Variants in PROKR2 observed in about 807,000 individuals in gnomAD.
PROKR2 encodes prokineticin receptor 2, also known as G protein-coupled receptor 73-like 1.
In PROKR2, 26 loss-of-function variants were observed where a neutral mutation model predicts 23.4. That is an observed-to-expected ratio of 1.11 (90% CI 0.81 to 1.54). The LOEUF (loss-of-function observed/expected upper bound fraction) is 1.54, where lower values mean the gene tolerates loss of function less well. Ranked by LOEUF, PROKR2 falls within the 40% of genes most tolerant of loss-of-function variation. The pLI is 0.00. For missense variants in PROKR2, 453 were observed against 511.5 expected (o/e 0.89, Z 1.10); for synonymous variants, 212 against 201.2 (o/e 1.05, Z -0.45).
At chr20:5,305,872 T>C (rs555332116) in intron 2 of PROKR2, among the ~76,000 whole-genome samples, 1 of 152,332 alleles carries the variant, frequency 6.6e-6, no homozygotes, top group East Asian at 1.9e-4. Context: ...CCTGGGACTA[T>C]TCAACCAATT....
chr20:5,308,828 G>C (rs1186593403), intron 2 of PROKR2, among the ~76,000 whole-genome samples: 3 of 152,142 alleles, frequency 2.0e-5, no homozygotes, highest in Non-Finnish European at 4.4e-5. Flanking sequence ...ATTTCTTCCT[G>C]TCCCTGTCAA....
chr20:5,302,136 A>C lies in PROKR2; in HGVS notation c.1059T>G (p.Arg353=). The change falls in exon 3 of 3, where the codon CGT becomes CGG. Residue 353 remains arginine (R), a synonymous_variant. Transcript: ENST00000678254. ...TGGACTTGCTCCCCCGCTGGGAGGG[A>C]CGCCAGTGCAGCAGCATCATCTTCT... The part of the protein sequence containing the change: ...YFKKMMLLHW[R]PSQRGSKSSA... 2.5e-6 allele frequency: 4 copies of C among 1,614,178 alleles called. No individual in the cohort carries two copies. Among genetic ancestry groups the C allele is most frequent in the Non-Finnish European group, 3.4e-6 (4 of 1,180,044 alleles).
At chr20:5,305,127 T>C (rs1399169776) in intron 2 of PROKR2, among the ~76,000 whole-genome samples, 3 of 72,108 alleles carry the variant, frequency 4.2e-5, no homozygotes, top group East Asian at 3.5e-4. Context: ...AAGGAAAACA[T>C]TGGGCTAATC....
intron 2 of PROKR2, among the ~76,000 whole-genome samples, chr20:5,307,442 A>G (rs973333362): frequency 1.3e-5 from 2 of 152,212 alleles, no homozygotes; most frequent in East Asian, 1.9e-4. Flanking sequence ...TATTTACCGT[A>G]ATAAATCTGC....
chr20:5,316,259 C>T lies in PROKR2; in HGVS notation c.-9+235G>A, dbSNP rs1314514058. ...GCTACCCGCTGGCTCCCTCTGCCCG[C>T]GCCCGCACACCACAGACTCCGCTTA... On this transcript the variant is annotated intron_variant, in intron 1 of 2. Transcript: ENST00000678254. This position sits in a 1 kb window ranked among gnomAD's most constrained non-coding sequence, Gnocchi z 5.0. 2 of 456,684 alleles carry T rather than the reference C, an allele frequency of 4.4e-6. No individual in the cohort carries two copies. The highest frequency in any genetic ancestry group is 2.0e-5 in the African/African-American group (1 of 50,208). The allele number at this position is 456,684 out of a possible 1,614,324, so 28.3% of individuals were successfully genotyped here.
chr20:5,315,903 C>G (rs910972), intron 1 of PROKR2: 1 of 456,142 alleles, frequency 2.2e-6, no homozygotes, highest in East Asian at 7.0e-5. Flanking sequence ...GGCGCGCGCC[C>G]GGGCTGGGAC....
intron 2 of PROKR2, among the ~76,000 whole-genome samples, chr20:5,305,530 T>C (rs1979185912): frequency 6.6e-6 from 1 of 152,210 alleles, no homozygotes. Context: ...CAGGAGAGCG[T>C]CTGGCACAGC....
At chr20:5,307,031 A>G (rs962022863) in intron 2 of PROKR2, among the ~76,000 whole-genome samples, 4 of 152,234 alleles carry the variant, frequency 2.6e-5, no homozygotes, top group Admixed American at 2.0e-4. Flanking sequence ...CAATTTGGAT[A>G]CCATCAAGAC....
intron 2 of PROKR2, among the ~76,000 whole-genome samples, chr20:5,304,702 A>G (rs1979150873): frequency 6.6e-6 from 1 of 152,246 alleles, no homozygotes; most frequent in South Asian, 2.1e-4. Flanking sequence ...CTTTAGTGCT[A>G]TAAAACAGGG....
chr20:5,313,947 G>C lies in PROKR2; in HGVS notation c.423C>G (p.Val141=), dbSNP rs755503094. The C allele has an allele frequency of 6.2e-7, 1 of 1,614,226 alleles. No individual in the cohort carries two copies. The highest frequency in any genetic ancestry group is 2.2e-5 in the East Asian group (1 of 44,882). Residue 141 remains valine, a synonymous_variant, in exon 2 of 3, where the codon GTC becomes GTG. Coordinates refer to ENST00000678254, the MANE Select transcript of PROKR2 (RefSeq NM_144773.4). Reference sequence around the variant, plus strand: ...CAATGGCCAGCAAGGCATTGGTGGAGACGTAGAGGGAGACGGTGCGCAGGT... The same window carrying C: ...CAATGGCCAGCAAGGCATTGGTGGACACGTAGAGGGAGACGGTGCGCAGGT... ...VNYLRTVSLY[V]STNALLAIAI...
At chr20:5,310,482 C>T (rs1979395268) in intron 2 of PROKR2, among the ~76,000 whole-genome samples, 1 of 152,228 alleles carries the variant, frequency 6.6e-6, no homozygotes, top group East Asian at 1.9e-4. Context: ...AAGCTCCCTT[C>T]TCCAAAATCA....
At chr20:5,315,943 C>T in intron 1 of PROKR2, 1 of 456,402 alleles carries the variant, frequency 2.2e-6, no homozygotes, top group South Asian at 1.5e-5. Flanking sequence ...GTAGATTGCA[C>T]TCCCCGCCCG....
chr20:5,309,432 C>A (rs1200704758), intron 2 of PROKR2, among the ~76,000 whole-genome samples: 1 of 152,136 alleles, frequency 6.6e-6, no homozygotes, highest in African/African-American at 2.4e-5. Context: ...GGGCTGATGA[C>A]TTTTTCCCTT....
At chr20:5,311,021 A>C (rs1004237116) in intron 2 of PROKR2, among the ~76,000 whole-genome samples, 1 of 152,222 alleles carries the variant, frequency 6.6e-6, no homozygotes, top group African/African-American at 2.4e-5. Flanking sequence ...TCAGGATTTG[A>C]CATGTATTCC....
At chr20:5,312,583 C>T (rs1396336398) in intron 2 of PROKR2, among the ~76,000 whole-genome samples, 1 of 152,092 alleles carries the variant, frequency 6.6e-6, no homozygotes, top group East Asian at 1.9e-4. Flanking sequence ...AGGATGCTTC[C>T]TACACCCGTC....
intron 2 of PROKR2, among the ~76,000 whole-genome samples, chr20:5,309,713 A>G (rs1298768837): frequency 6.6e-6 from 1 of 152,254 alleles, no homozygotes; most frequent in Non-Finnish European, 1.5e-5. Context: ...TCTGCCTCCC[A>G]TACTGAATCC....
Position 5,300,675 on chromosome 20 carries a change from G to A in PROKR2, c.*1365C>T, listed in dbSNP as rs970078128. Among the ~76,000 whole-genome samples the A allele has an allele frequency of 6.6e-6, 1 of 152,174 alleles. No homozygotes were observed. The highest frequency in any genetic ancestry group is 1.5e-5 in the Non-Finnish European group (1 of 68,042). On this transcript the variant is annotated 3_prime_UTR_variant, in exon 3 of 3. Transcript: ENST00000678254. ...ACAGAGAGAAAACATCATGAATTTA[G>A]GACTTGAGTCTTAGAGTTAGGACCT...
At chr20:5,307,859 A>C (rs899849624) in intron 2 of PROKR2, among the ~76,000 whole-genome samples, 4 of 152,248 alleles carry the variant, frequency 2.6e-5, no homozygotes, top group Non-Finnish European at 5.9e-5. Context: ...GGAAATAATA[A>C]AAAAGCATCT....
rs1174074708 is a variant in PROKR2, at chr20:5,314,180, T to A, written c.190A>T (p.Met64Leu). 6.2e-7 allele frequency: 1 copy of A among 1,614,196 alleles called. No homozygotes were observed. The highest frequency in any genetic ancestry group is 8.5e-7 in the Non-Finnish European group (1 of 1,180,028). Residue 64 changes from methionine to leucine, a missense_variant, in exon 2 of 3, where the codon ATG becomes TTG. Transcript: ENST00000678254. ...IVIGIALAGI[M>L]LVCGIGNFVF... ...AAGTTACCGATGCCGCAGACCAGCA[T>A]GATGCCTGCCAGTGCAATGCCAATG...
Sources: gnomAD v4.1 joint callset for allele counts (sites outside exome capture counted in the v4.1 genomes callset) on GRCh38, gnomAD v4.1.1 for gene constraint, Gnocchi (gnomAD v3.1) non-coding constraint, MANE v1.5 for transcripts, NCBI Gene and HGNC (gene_info 2026-07-23, HGNC 2026-07-21) for gene names.